The following CCNB1IP1 variants were observed in gnomAD, a reference collection of about 807,000 sequenced individuals.
CCNB1IP1 encodes cyclin B1 interacting protein 1.
A neutral mutation model predicts 25.6 loss-of-function variants in CCNB1IP1; 14 were observed. That is an observed-to-expected ratio of 0.55 (90% CI 0.36 to 0.85). The LOEUF is 0.85. Ranked by LOEUF, CCNB1IP1 falls within the 40% of genes least tolerant of loss-of-function variation. The pLI is 0.01. For missense variants in CCNB1IP1, 278 were observed against 342.4 expected (o/e 0.81, Z 1.48); for synonymous variants, 119 against 116.1 (o/e 1.02, Z -0.16).
intron 4 of CCNB1IP1, among the ~76,000 whole-genome samples, chr14:20,321,843 T>C (rs1447976682): frequency 6.6e-6 from 1 of 152,244 alleles, no homozygotes. Flanking sequence ...TTAAATCTCA[T>C]TACAAAAACA....
At chr14:20,316,679 GTATT>G (rs1882710428) in intron 4 of CCNB1IP1, 119 bp from the exon 5 acceptor site, 1 of 582,342 alleles carries the variant, frequency 1.7e-6, no homozygotes, top group Non-Finnish European at 3.0e-6. Context: ...TATATTCCTT[GTATT>G]TATTATAATT....
intron 5 of CCNB1IP1, among the ~76,000 whole-genome samples, chr14:20,314,914 A>C (rs1594274707): frequency 6.6e-6 from 1 of 150,566 alleles, no homozygotes; most frequent in Non-Finnish European, 1.5e-5. Context: ...ACACGGTGAA[A>C]CCCCGCCTCT....
In CCNB1IP1 at chr14:20,316,228, T is replaced by C; in HGVS notation, c.296A>G (p.Gln99Arg). The C allele has an allele frequency of 6.2e-7, 1 of 1,611,810 alleles. No individual in the cohort carries two copies. The highest frequency in any genetic ancestry group is 8.5e-7 in the Non-Finnish European group (1 of 1,178,076). ...AGAGAAACTAGACTAAGCACTAACC[T>C]GATATGTCCAGAAGGCCAGCGCTCG... ...SSRALAFWTY[Q>R]VHQERLYQEY... The change falls in exon 5 of 7, where the codon CAG becomes CGG. Residue 99 changes from glutamine (Q) to arginine (R), a missense_variant and splice_region_variant. Coordinates refer to ENST00000358932, the MANE Select transcript of CCNB1IP1 (RefSeq NM_021178.5).
intron 4 of CCNB1IP1, chr14:20,323,190 TC>T (rs1882952313): frequency 6.6e-6 from 1 of 152,100 alleles, no homozygotes; most frequent in Non-Finnish European, 1.5e-5. Context: ...ATTGTTTGAC[TC>T]CGCAAAAATC....
intron 5 of CCNB1IP1, among the ~76,000 whole-genome samples, chr14:20,315,008 G>A (rs185072105): frequency 0.031 from 4,492 of 147,254 alleles, 79 homozygotes; most frequent in Non-Finnish European, 0.041. Context: ...GGAGAATGGC[G>A]TGAACCCGGG....
At chr14:20,330,726 A>G (rs1203084937) in intron 1 of CCNB1IP1, 1 of 152,326 alleles carries the variant, frequency 6.6e-6, no homozygotes, top group Non-Finnish European at 1.5e-5. Context: ...GATTACAGGC[A>G]TGCACCAACA....
chr14:20,321,343 A>T (rs1165505422), intron 4 of CCNB1IP1, among the ~76,000 whole-genome samples: 1 of 152,180 alleles, frequency 6.6e-6, no homozygotes, highest in Non-Finnish European at 1.5e-5. Context: ...CTGCCTGAAG[A>T]CCTAACATAT....
In CCNB1IP1 at chr14:20,316,253, G is replaced by A. The variant is rs1409195629; in HGVS notation, c.271C>T (p.Arg91Ter). The A allele has an allele frequency of 6.2e-7, 1 of 1,613,840 alleles. No homozygotes were observed. Among genetic ancestry groups the A allele is most frequent in the Admixed American group, 1.7e-5 (1 of 60,008 alleles). Residue 91 changes from arginine to a stop codon, truncating the protein, a stop_gained, in exon 5 of 7, where the codon CGA (arginine) becomes TGA (stop). Coordinates refer to ENST00000358932, the MANE Select transcript of CCNB1IP1 (RefSeq NM_021178.5). LOFTEE classifies it high-confidence loss of function. ...RPEIVLDISS[R>*]ALAFWTYQVH... is the part of the protein sequence containing the mutation. ...TGATATGTCCAGAAGGCCAGCGCTC[G>A]GGAGCTAATGTCCAACACGATCTCT...
chr14:20,316,987 T>C (rs1882721620), intron 4 of CCNB1IP1, among the ~76,000 whole-genome samples: 1 of 152,128 alleles, frequency 6.6e-6, no homozygotes, highest in Non-Finnish European at 1.5e-5. Flanking sequence ...TTCAAGCCTC[T>C]AATCCCAGCT....
At position 20,316,303 on chromosome 14, in the gene CCNB1IP1, G is replaced by A. The variant is rs1226331556; in HGVS notation, c.221C>T (p.Ala74Val). 8 of 1,613,960 alleles carry A rather than the reference G, an allele frequency of 5.0e-6. No homozygotes were observed. Among genetic ancestry groups the A allele is most frequent in the Non-Finnish European group, 6.8e-6 (8 of 1,179,870 alleles). ...TGGTCGCAGTCCTGCCAATACCATA[G>A]CTTTATATTCCTCTGATGGACTGAG... Reference protein sequence around the residue: ...TELSPSEEYKAMVLAGLRPEI... With the variant: ...TELSPSEEYKVMVLAGLRPEI... Residue 74 changes from alanine to valine, a missense_variant, in exon 5 of 7, where the codon GCT becomes GTT. Coordinates refer to ENST00000358932, the MANE Select transcript of CCNB1IP1 (RefSeq NM_021178.5).
At chr14:20,321,239 T>C (rs1882886497) in intron 4 of CCNB1IP1, among the ~76,000 whole-genome samples, 1 of 152,234 alleles carries the variant, frequency 6.6e-6, no homozygotes, top group Admixed American at 6.5e-5. Flanking sequence ...AAGTAGTAGT[T>C]GTGCTATATT....
chr14:20,331,476 T>A (rs1010069217), intron 1 of CCNB1IP1, among the ~76,000 whole-genome samples: 1 of 152,156 alleles, frequency 6.6e-6, no homozygotes, highest in African/African-American at 2.4e-5. Context: ...AAAATAAATA[T>A]AAATAGGAAG....
rs563218231 is a variant in CCNB1IP1, at chr14:20,312,367, C to T, written c.632-615G>A. Among the ~76,000 whole-genome samples the T allele has an allele frequency of 2.0e-5, 3 of 152,042 alleles. No individual in the cohort carries two copies. In the South Asian group the frequency reaches 6.2e-4, roughly 32 times the overall value. ...ATATCTGATATTCCTCATCTCATCA[C>T]CTCAAACCTGCCCCCCACCTTTTTT... is the stretch of plus-strand genomic sequence containing the variant. On this transcript the variant is annotated intron_variant, in intron 6 of 6. Coordinates refer to ENST00000358932, the MANE Select transcript of CCNB1IP1 (RefSeq NM_021178.5).
chr14:20,332,744 C>T (rs1883289293), intron 1 of CCNB1IP1: 1 of 152,180 alleles, frequency 6.6e-6, no homozygotes, highest in African/African-American at 2.4e-5. Flanking sequence ...CCCAGGTTCA[C>T]CAAGAAAGCC....
At chr14:20,323,344 C>T (rs1448955225) in intron 4 of CCNB1IP1, 1 of 152,150 alleles carries the variant, frequency 6.6e-6, no homozygotes, top group Non-Finnish European at 1.5e-5. Context: ...ACTCCAACCA[C>T]ATTAATTTAA....
rs746419028 is a variant in CCNB1IP1, at chr14:20,313,453, C to T, written c.631+15G>A. ...TGATTTAAAGAACAGACACTTGATA[C>T]ATGTCCTTTCTTACCTAATGGGAAG... On this transcript the variant is annotated intron_variant, in intron 6 of 6. Coordinates refer to ENST00000358932, the MANE Select transcript of CCNB1IP1 (RefSeq NM_021178.5). 2.6e-6 allele frequency: 4 copies of T among 1,548,950 alleles called. No individual in the cohort carries two copies. Among genetic ancestry groups the T allele is most frequent in the South Asian group, 1.2e-5 (1 of 82,478 alleles).
In CCNB1IP1 at chr14:20,316,565, GA is replaced by G; in HGVS notation, c.-37-6del. 6.5e-7 allele frequency: 1 copy of G among 1,541,222 alleles called. No individual in the cohort carries two copies. The highest frequency in any genetic ancestry group is 8.8e-7 in the Non-Finnish European group (1 of 1,134,224). On this transcript the variant is annotated splice_polypyrimidine_tract_variant and splice_region_variant and intron_variant, in intron 4 of 6. Coordinates refer to ENST00000358932, the MANE Select transcript of CCNB1IP1 (RefSeq NM_021178.5). ...CTCCAGAAGCTGAAGAGAGGCCTAAGAAGGGGTAAATAAAAAGGCCAAGTAA... is the reference window on the plus strand; with the variant it reads ...CTCCAGAAGCTGAAGAGAGGCCTAAGAGGGGTAAATAAAAAGGCCAAGTAA...
intron 1 of CCNB1IP1, among the ~76,000 whole-genome samples, chr14:20,332,505 G>C (rs553630654): frequency 1.1e-4 from 17 of 152,256 alleles, no homozygotes; most frequent in African/African-American, 3.9e-4. Flanking sequence ...CTAGAGCCTA[G>C]TTTTTATATA....
chr14:20,317,471 T>C (rs1182756238), intron 4 of CCNB1IP1: 2 of 151,992 alleles, frequency 1.3e-5, no homozygotes, highest in East Asian at 1.9e-4. Context: ...TTTATCCCAA[T>C]AGCCCCGCTG....
Sources: allele counts gnomAD v4.1 joint callset (sites outside exome capture counted in the v4.1 genomes callset), GRCh38; gene constraint gnomAD v4.1.1; transcripts MANE v1.5; gene names NCBI Gene and HGNC (gene_info 2026-07-23, HGNC 2026-07-21).